Variants in IMPA2 observed in about 807,000 individuals in gnomAD.
The protein encoded by IMPA2 is inositol monophosphatase 2, also known as IMP 2.
In IMPA2, 32 loss-of-function variants were observed where a neutral mutation model predicts 35.1. The observed-to-expected ratio is 0.91, with a 90% confidence interval of 0.69 to 1.23. The LOEUF (loss-of-function observed/expected upper bound fraction) is 1.23. Ranked by LOEUF, IMPA2 falls within the 50% of genes most tolerant of loss-of-function variation. The pLI, the probability that IMPA2 is intolerant of heterozygous loss-of-function variation, is 0.00. For missense variants in IMPA2, 334 were observed against 387.6 expected, an observed-to-expected ratio of 0.86 and a Z score of 1.16; for synonymous variants, 135 against 160.6, an observed-to-expected ratio of 0.84 and a Z score of 1.20.
Position 11,991,962 on chromosome 18 carries a change from G to T in IMPA2, c.97-7092G>T, listed in dbSNP as rs1271810073. 6.6e-6 allele frequency among the ~76,000 whole-genome samples: 1 copy of T among 151,882 alleles called. No homozygotes were observed. The highest frequency in any genetic ancestry group is 1.5e-5 in the Non-Finnish European group (1 of 68,014). ...GGGCTCACGCGTTTCTCCTACCTCAGCCCCCTGAGTAGCTGGGATTATAGG... is the reference window on the plus strand; with the variant it reads ...GGGCTCACGCGTTTCTCCTACCTCATCCCCCTGAGTAGCTGGGATTATAGG... On this transcript the variant is annotated intron_variant, in intron 1 of 7. Coordinates refer to ENST00000269159, the MANE Select transcript of IMPA2 (RefSeq NM_014214.3). The surrounding 1 kb of genome is among the most constrained non-coding windows in gnomAD (Gnocchi z 4.1).
At position 11,994,600 on chromosome 18, in the gene IMPA2, G is replaced by A. The variant is rs74747865; in HGVS notation, c.97-4454G>A. On this transcript the variant is annotated intron_variant, in intron 1 of 7. Coordinates refer to ENST00000269159, the MANE Select transcript of IMPA2 (RefSeq NM_014214.3). Reference sequence around the variant, plus strand: ...GAGTGTATAAATACCAGTGAGCTTCGATAAGGTGACACAAAAGGACATATT... The same window carrying A: ...GAGTGTATAAATACCAGTGAGCTTCAATAAGGTGACACAAAAGGACATATT... Among the ~76,000 whole-genome samples, 1,175 of 152,308 alleles carry A rather than the reference G, an allele frequency of 7.7e-3. 13 individuals are homozygous for A. Among genetic ancestry groups the A allele is most frequent in the African/African-American group, 0.025 (1,038 of 41,568 alleles).
intron 6 of IMPA2, 138 bp downstream of exon 6, chr18:12,028,289 G>T: frequency 1.6e-6 from 1 of 643,514 alleles, no homozygotes. Context: ...TCAGACTCAG[G>T]GAAGCCCTGT....
chr18:11,981,525 AGGTGTGGGACG>A lies in IMPA2; in HGVS notation c.-142_-132del. On this transcript the variant is annotated 5_prime_UTR_variant, in exon 1 of 8. Coordinates refer to ENST00000269159, the MANE Select transcript of IMPA2 (RefSeq NM_014214.3). ...CGCTGGCTGCCCTTCCCGCCAGCGC[AGGTGTGGGACG>A]GGCGGCGGACTAGGCACAGAGCTGC... is the stretch of plus-strand genomic sequence containing the variant. 1 of 464,006 alleles carries A rather than the reference AGGTGTGGGACG, an allele frequency of 2.2e-6. No homozygotes were observed. Among genetic ancestry groups the A allele is most frequent in the Non-Finnish European group, 3.5e-6 (1 of 289,814 alleles). The allele number at this position is 464,006 out of a possible 1,614,324, so 28.7% of individuals were successfully genotyped here. A position where few individuals can be genotyped will look rare whatever the true frequency, so the allele number is the denominator to read the frequency against.
At chr18:12,028,221 TC>T (rs1365115226) in intron 6 of IMPA2, 70 bp downstream of exon 6, 9 of 1,009,814 alleles carry the variant, frequency 8.9e-6, no homozygotes, top group Non-Finnish European at 1.4e-5. Flanking sequence ...TTGCTAAAAC[TC>T]CCCTGGGATT....
In IMPA2 at chr18:12,009,908, T is replaced by C; in HGVS notation, c.256T>C (p.Ser86Pro). ...HRFIAEEAAA[S>P]GAKCVLTHSP... ...GTTCATTGCAGAAGAGGCCGCGGCT[T>C]CTGGGGCCAAGTGTGTGCTCACCCA... The change falls in exon 3 of 8, where the codon TCT becomes CCT. Residue 86 changes from serine (S) to proline (P), a missense_variant. Coordinates refer to ENST00000269159, the MANE Select transcript of IMPA2 (RefSeq NM_014214.3). The C allele has an allele frequency of 6.2e-7, 1 of 1,614,150 alleles. No homozygotes were observed. Among genetic ancestry groups the C allele is most frequent in the Non-Finnish European group, 8.5e-7 (1 of 1,180,032 alleles).
intron 2 of IMPA2, among the ~76,000 whole-genome samples, chr18:12,000,045 T>C (rs1907073545): frequency 1.3e-5 from 2 of 152,248 alleles, no homozygotes; most frequent in Non-Finnish European, 2.9e-5. Context: ...ATTGGATTTC[T>C]GGCTGTAGGG....
chr18:11,984,198 C>A (rs1025856623), intron 1 of IMPA2, among the ~76,000 whole-genome samples: 1 of 152,158 alleles, frequency 6.6e-6, no homozygotes, highest in Non-Finnish European at 1.5e-5. Flanking sequence ...TGCCCCAGTT[C>A]TGGCAGGCTT....
At chr18:12,004,981 C>G (rs973191627) in intron 2 of IMPA2, among the ~76,000 whole-genome samples, 1 of 152,198 alleles carries the variant, frequency 6.6e-6, no homozygotes, top group Non-Finnish European at 1.5e-5. Flanking sequence ...TATTAGCTTC[C>G]TACATGAGTA....
chr18:12,009,401 T>C (rs1907370433), intron 2 of IMPA2, among the ~76,000 whole-genome samples: 1 of 152,128 alleles, frequency 6.6e-6, no homozygotes, highest in Non-Finnish European at 1.5e-5. Context: ...TGAGCCAGGC[T>C]GGGTACAGAC....
Position 12,028,950 on chromosome 18 carries a change from A to G in IMPA2, c.708A>G (p.Thr236=), listed in dbSNP as rs761049420. 7.4e-6 allele frequency: 12 copies of G among 1,614,022 alleles called. No homozygotes were observed. In the South Asian group the frequency reaches 1.3e-4, roughly 18 times the overall value. Residue 236 remains threonine, a synonymous_variant, in exon 7 of 8, where the codon ACA becomes ACG. Coordinates refer to ENST00000269159, the MANE Select transcript of IMPA2 (RefSeq NM_014214.3). Reference sequence around the variant, plus strand: ...ACTGCTGGGATCTGGCGGCTGCCACAGTCATCATCAGAGAAGCAGGCGGCA... The same window carrying G: ...ACTGCTGGGATCTGGCGGCTGCCACGGTCATCATCAGAGAAGCAGGCGGCA... ...GLHCWDLAAA[T]VIIREAGGIV...
rs147420219 is a variant in IMPA2 at position 11,985,276 on chromosome 18, C to T, written c.96+3511C>T. On this transcript the variant is annotated intron_variant, in intron 1 of 7. Coordinates refer to ENST00000269159, the MANE Select transcript of IMPA2 (RefSeq NM_014214.3). ...GTGCTAAGAAATACTGCAAATATCACGAAATACACAAAAATAACAATTCTT... is the reference window on the plus strand; with the variant it reads ...GTGCTAAGAAATACTGCAAATATCATGAAATACACAAAAATAACAATTCTT... Among the ~76,000 whole-genome samples, 60 of 151,954 alleles carry T rather than the reference C, an allele frequency of 3.9e-4. No homozygotes were observed. In the East Asian group the frequency reaches 0.011, roughly 27 times the overall value.
chr18:12,015,470 G>A (rs914123377), intron 5 of IMPA2, among the ~76,000 whole-genome samples: 6 of 152,244 alleles, frequency 3.9e-5, no homozygotes, highest in African/African-American at 9.6e-5. Flanking sequence ...CTGTGAGCCC[G>A]TGCGGCCAGG....
intron 1 of IMPA2, among the ~76,000 whole-genome samples, chr18:11,995,889 G>T (rs1906946913): frequency 6.6e-6 from 1 of 152,208 alleles, no homozygotes. Context: ...AGAACTCTGT[G>T]TACCTGCTGT....
At chr18:12,008,362 C>T (rs2143801970) in intron 2 of IMPA2, 1 of 518,988 alleles carries the variant, frequency 1.9e-6, no homozygotes, top group South Asian at 1.4e-5. Context: ...CACATGTGAA[C>T]CCGGCACAGG....
At position 12,012,230 on chromosome 18, in the gene IMPA2, C is replaced by T. The variant is rs749141682; in HGVS notation, c.381+15C>T. 1.2e-4 allele frequency: 196 copies of T among 1,612,116 alleles called. No homozygotes were observed. The highest frequency in any genetic ancestry group is 1.6e-4 in the Non-Finnish European group (185 of 1,178,304). On this transcript the variant is annotated intron_variant, in intron 4 of 7. Coordinates refer to ENST00000269159, the MANE Select transcript of IMPA2 (RefSeq NM_014214.3). ...TTCGACAAGAGGTGCGGGTGTGGCC[C>T]AGGTCCCCAGGGCCCCTCCCTGGGC...
In IMPA2 at chr18:12,028,975, A is replaced by G. The variant is rs1479984618; in HGVS notation, c.733A>G (p.Ile245Val). 1.2e-6 allele frequency: 2 copies of G among 1,613,766 alleles called. No individual in the cohort carries two copies. Among genetic ancestry groups the G allele is most frequent in the Non-Finnish European group, 8.5e-7 (1 of 1,180,018 alleles). ...AGTCATCATCAGAGAAGCAGGCGGCATCGTGATAGACACTTCGGGTGAGCT... is the reference window on the plus strand; with the variant it reads ...AGTCATCATCAGAGAAGCAGGCGGCGTCGTGATAGACACTTCGGGTGAGCT... ...ATVIIREAGG[I>V]VIDTSGGPLD... is the part of the protein sequence containing the mutation. Residue 245 changes from isoleucine (I) to valine (V), a missense_variant, in exon 7 of 8, where the codon ATC (isoleucine) becomes GTC (valine). By Grantham distance (29) the Ile-to-Val change is conservative. Coordinates refer to ENST00000269159, the MANE Select transcript of IMPA2 (RefSeq NM_014214.3).
At chr18:12,007,679 C>CTTTCTTTCTTTCTTTCTTTG (rs1207450457) in intron 2 of IMPA2, among the ~76,000 whole-genome samples, 1 of 48,264 alleles carries the variant, frequency 2.1e-5, no homozygotes, top group East Asian at 1.3e-3. Context: ...TTCTTTCTTT[C>CTTTCTTTCTTTCTTTCTTTG]CTTTCTTTCC....
Position 11,991,018 on chromosome 18 carries a change from TG to T in IMPA2, c.97-8033del, listed in dbSNP as rs1242733481. Among the ~76,000 whole-genome samples the T allele has an allele frequency of 6.6e-6, 1 of 152,184 alleles. No individual in the cohort carries two copies. The highest frequency in any genetic ancestry group is 1.9e-4 in the East Asian group (1 of 5,194). On this transcript the variant is annotated intron_variant, in intron 1 of 7. Coordinates refer to ENST00000269159, the MANE Select transcript of IMPA2 (RefSeq NM_014214.3). The surrounding 1 kb of genome is among the most constrained non-coding windows in gnomAD (Gnocchi z 4.1). ...TAAGCTTGAGCTCAGGCCGTGGAGC[TG>T]GGCAGGGTGTGAGGTGGAGGCCATC...
At chr18:12,007,659 C>G (rs1003186764) in intron 2 of IMPA2, among the ~76,000 whole-genome samples, 1 of 105,618 alleles carries the variant, frequency 9.5e-6, no homozygotes. Context: ...TTCTTTCTTT[C>G]TTTCTTTCTT....
Sources: gnomAD v4.1 joint callset for allele counts (sites outside exome capture counted in the v4.1 genomes callset) on GRCh38, gnomAD v4.1.1 for gene constraint, Gnocchi (gnomAD v3.1) non-coding constraint, MANE v1.5 for transcripts, NCBI Gene and HGNC (gene_info 2026-07-23, HGNC 2026-07-21) for gene names.